The following ITSN1 variants were observed in gnomAD, a reference collection of about 807,000 sequenced individuals.
ITSN1 encodes intersectin 1, also known as intersectin-1.
In ITSN1, 58 loss-of-function variants were observed where a neutral mutation model predicts 239.8. That is an observed-to-expected ratio of 0.24 (90% CI 0.20 to 0.30). ITSN1 has a LOEUF of 0.30. Ranked by LOEUF, ITSN1 falls within the 10% of genes least tolerant of loss-of-function variation. The probability of loss-of-function intolerance (pLI) is 1.00; values close to 1 mark genes in which losing one functional copy is unlikely to be tolerated. For missense variants in ITSN1, 1,558 were observed against 2,103.3 expected (o/e 0.74, Z 5.07); for synonymous variants, 780 against 770.8 (o/e 1.01, Z -0.20).
intron 14 of ITSN1, among the ~76,000 whole-genome samples, chr21:33,778,571 C>CTTTTTTTTTTTT (rs397948229): frequency 1.4e-4 from 9 of 63,954 alleles, no homozygotes; most frequent in Admixed American, 2.6e-4. Context: ...ATAATATTCT[C>CTTTTTTTTTTTT]TTTTTTTTTT....
At chr21:33,725,846 A>G (rs187022511) in intron 4 of ITSN1, among the ~76,000 whole-genome samples, 1 of 152,356 alleles carries the variant, frequency 6.6e-6, no homozygotes, top group Non-Finnish European at 1.5e-5. Flanking sequence ...TTCATGAACC[A>G]CTGATATCCT....
intron 31 of ITSN1, among the ~76,000 whole-genome samples, chr21:33,862,164 C>CAAAAAAAAAAAAAA (rs59129090): frequency 1.3e-5 from 1 of 79,818 alleles, no homozygotes; most frequent in Non-Finnish European, 2.2e-5. Flanking sequence ...GACTGTGTCA[C>CAAAAAAAAAAAAAA]AAAAAAAAAA....
At chr21:33,753,404 A>G (rs144899784) in intron 7 of ITSN1, among the ~76,000 whole-genome samples, 1 of 152,282 alleles carries the variant, frequency 6.6e-6, no homozygotes, top group East Asian at 1.9e-4. Flanking sequence ...CATAGTTTAC[A>G]GCTTAGTGCA....
chr21:33,875,171 A>G (rs1983515325), intron 33 of ITSN1, among the ~76,000 whole-genome samples, 183 bp from the exon 34 acceptor site: 1 of 152,156 alleles, frequency 6.6e-6, no homozygotes, highest in South Asian at 2.1e-4. Context: ...TGGAGCCATC[A>G]AGGAGTGGCC....
intron 1 of ITSN1, among the ~76,000 whole-genome samples, chr21:33,682,636 C>G (rs1156601007): frequency 4.6e-5 from 7 of 152,176 alleles, no homozygotes; most frequent in African/African-American, 1.7e-4. Flanking sequence ...ACAAGTGATG[C>G]TTGTGTGTCA....
At position 33,811,001 on chromosome 21, in the gene ITSN1, C is replaced by T. The variant is rs775682197; in HGVS notation, c.2346C>T (p.Pro782=). 19 of 1,613,982 alleles carry T rather than the reference C, an allele frequency of 1.2e-5. No individual in the cohort carries two copies. The highest frequency in any genetic ancestry group is 1.6e-4 in the Middle Eastern group (1 of 6,084). Residue 782 remains proline (P), a synonymous_variant, in exon 21 of 40, where the codon CCC becomes CCT. Transcript: ENST00000381318. The part of the protein sequence containing the change: ...EWVDESQTGE[P]GWLGGELKGK... ...TGGATGAAAGCCAAACTGGAGAACCCGGCTGGCTTGGAGGAGAATTAAAAG... is the reference window on the plus strand; with the variant it reads ...TGGATGAAAGCCAAACTGGAGAACCTGGCTGGCTTGGAGGAGAATTAAAAG...
chr21:33,833,871 CAAAA>C (rs923200436), intron 27 of ITSN1, among the ~76,000 whole-genome samples: 4 of 61,222 alleles, frequency 6.5e-5, no homozygotes, highest in African/African-American at 5.2e-5. Flanking sequence ...GACTCCGTCT[CAAAA>C]AAAAAAAAAA....
chr21:33,819,356 AG>A, intron 24 of ITSN1, 33 bp downstream of exon 24: 1 of 1,474,246 alleles, frequency 6.8e-7, no homozygotes, highest in Non-Finnish European at 9.5e-7. Context: ...GTTCTTCAGA[AG>A]GGTCAAGGAC....
chr21:33,704,998 C>T (rs1431484929), intron 1 of ITSN1, among the ~76,000 whole-genome samples: 2 of 148,700 alleles, frequency 1.3e-5, no homozygotes, highest in Admixed American at 6.7e-5. Flanking sequence ...GTAGTCCCAG[C>T]TACTTGGGAG....
Position 33,834,421 on chromosome 21 carries a change from G to T in ITSN1, c.3466G>T (p.Ala1156Ser). Residue 1156 changes from alanine to serine, a missense_variant, in exon 28 of 40, where the codon GCA (alanine) becomes TCA (serine). Physicochemically the swap from Ala to Ser is moderately conservative, Grantham distance 99. Transcript: ENST00000381318. ...GCCACCTAAGTCAACAGCATTAGCG[G>T]CAGGTAAGGAGTTTCGCATCTCTAA... Reference protein sequence around the residue: ...TEPPKSTALAAVCQVIGMYDY... With the variant: ...TEPPKSTALASVCQVIGMYDY... 3 of 1,606,712 alleles carry T rather than the reference G, an allele frequency of 1.9e-6. No individual in the cohort carries two copies. Among genetic ancestry groups the T allele is most frequent in the Non-Finnish European group, 2.6e-6 (3 of 1,174,692 alleles).
chr21:33,798,347 A>T (rs916896276), intron 18 of ITSN1, among the ~76,000 whole-genome samples: 1 of 150,406 alleles, frequency 6.6e-6, no homozygotes, highest in African/African-American at 2.5e-5. Context: ...CGATCCTCCC[A>T]CCTTGGCCTT....
chr21:33,858,860 G>A (rs1211870915), intron 31 of ITSN1, 68 bp downstream of exon 31: 2 of 841,522 alleles, frequency 2.4e-6, no homozygotes, highest in East Asian at 2.5e-5. Flanking sequence ...CACCTCTGTG[G>A]GTCTGTGTGT....
intron 1 of ITSN1, among the ~76,000 whole-genome samples, chr21:33,671,407 C>T (rs575330550): frequency 2.2e-4 from 34 of 152,058 alleles, no homozygotes; most frequent in Admixed American, 2.2e-3. Context: ...CTGCCTCAGC[C>T]TCCGGAGTAG....
chr21:33,834,251 C>T, intron 27 of ITSN1, 56 bp from the exon 28 acceptor site: 1 of 1,218,312 alleles, frequency 8.2e-7, no homozygotes, highest in Non-Finnish European at 1.2e-6. Flanking sequence ...ATAAAGTGAG[C>T]TGTATTATAA....
intron 34 of ITSN1, among the ~76,000 whole-genome samples, chr21:33,876,063 T>TC (rs1983684617): frequency 1.0e-5 from 1 of 97,570 alleles, no homozygotes; most frequent in Non-Finnish European, 2.0e-5. Context: ...GATTTCTTTC[T>TC]TTCTCTTTCT....
intron 27 of ITSN1, among the ~76,000 whole-genome samples, 151 bp from the exon 28 acceptor site, chr21:33,834,150 GTTTTAC>G (rs1420391240): frequency 1.3e-5 from 2 of 152,136 alleles, no homozygotes; most frequent in East Asian, 3.8e-4. Flanking sequence ...TAGCTATGGT[GTTTTAC>G]TTTTGTGACA....
chr21:33,829,978 T>C (rs992804947), intron 27 of ITSN1, among the ~76,000 whole-genome samples: 3 of 152,176 alleles, frequency 2.0e-5, no homozygotes, highest in African/African-American at 7.2e-5. Flanking sequence ...TTCCCATTCC[T>C]GAATTCAGAT....
chr21:33,708,393 T>C (rs2092314915), intron 1 of ITSN1, among the ~76,000 whole-genome samples: 1 of 152,144 alleles, frequency 6.6e-6, no homozygotes, highest in South Asian at 2.1e-4. Context: ...TTTTTTCTTT[T>C]TTGTTTTTTT....
intron 34 of ITSN1, among the ~76,000 whole-genome samples, chr21:33,880,304 A>G (rs1368096360): frequency 6.6e-6 from 1 of 152,172 alleles, no homozygotes; most frequent in African/African-American, 2.4e-5. Context: ...AGAGGCTTTG[A>G]GTATGAATGA....
Sources: allele counts gnomAD v4.1 joint callset (sites outside exome capture counted in the v4.1 genomes callset), GRCh38; gene constraint gnomAD v4.1.1; transcripts MANE v1.5; gene names NCBI Gene and HGNC (gene_info 2026-07-23, HGNC 2026-07-21).